EVC2: variants seen among roughly 807,000 people sequenced by gnomAD.
The protein encoded by EVC2 is EvC ciliary complex subunit 2, also known as limbin.
EVC2 carries 148 observed loss-of-function variants against 149.3 expected under a neutral mutation model. The ratio of observed to expected loss-of-function variants is 0.99; its 90% CI spans 0.87 to 1.14. The LOEUF (loss-of-function observed/expected upper bound fraction) is 1.14, where lower values mean the gene tolerates loss of function less well. Among genes scored for constraint, EVC2 ranks in the 50% most tolerant of loss-of-function variants. EVC2 has a pLI of 0.00. For synonymous variants in EVC2, 776 were observed against 649.9 expected (o/e 1.19, Z -2.95); for missense variants, 1,854 against 1,627.3 (o/e 1.14, Z -2.40).
intron 3 of EVC2, among the ~76,000 whole-genome samples, chr4:5,692,491 C>T (rs1000482188): frequency 2.0e-5 from 3 of 152,208 alleles, no homozygotes; most frequent in African/African-American, 7.2e-5. Flanking sequence ...GAGACTCTCC[C>T]CAGGCCTGTG....
At chr4:5,651,670 C>A (rs1401824914) in intron 9 of EVC2, among the ~76,000 whole-genome samples, 1 of 152,130 alleles carries the variant, frequency 6.6e-6, no homozygotes, top group Non-Finnish European at 1.5e-5. Flanking sequence ...ATGGAATAAA[C>A]CTTGGATGTC....
intron 7 of EVC2, among the ~76,000 whole-genome samples, chr4:5,669,637 C>T (rs1719501210): frequency 6.6e-6 from 1 of 152,206 alleles, no homozygotes. Flanking sequence ...TCCCTGCCTC[C>T]CTCCCTCCTG....
chr4:5,645,956 G>A lies in EVC2; in HGVS notation c.1146-5118C>T, dbSNP rs368261134. Among the ~76,000 whole-genome samples the A allele has an allele frequency of 3.9e-5, 6 of 152,084 alleles. No homozygotes were observed. In the East Asian group the frequency reaches 9.7e-4, roughly 25 times the overall value. ...TTTTTATTTTTTCAGACAGAATCTC[G>A]CTCTTGTTGCCCAGGCTGGATGGAG... On this transcript the variant is annotated intron_variant, in intron 9 of 21. Coordinates refer to ENST00000344408, the MANE Select transcript of EVC2 (RefSeq NM_147127.5).
At position 5,691,298 on chromosome 4, in the gene EVC2, A is replaced by G; in HGVS notation, c.486T>C (p.Ser162=). The stretch of plus-strand genomic sequence containing the variant: ...ATTTCTGAAAAATTACTCCATTTTC[A>G]GAAGTCCCTTGAACTTCTCTTGAAA... ...GDISREVQGT[S]ENGVIFQKCA... is the part of the protein sequence containing the mutation. Residue 162 remains serine (S), a synonymous_variant, in exon 4 of 22, where the codon TCT becomes TCC. Transcript: ENST00000344408. 1.2e-6 allele frequency: 2 copies of G among 1,613,710 alleles called. No individual in the cohort carries two copies. The highest frequency in any genetic ancestry group is 1.1e-5 in the South Asian group (1 of 91,062).
At chr4:5,606,933 T>C (rs904370250) in intron 16 of EVC2, among the ~76,000 whole-genome samples, 3 of 152,208 alleles carry the variant, frequency 2.0e-5, no homozygotes, top group Non-Finnish European at 2.9e-5. Flanking sequence ...AGCTAGAACA[T>C]GGCAGAGCTC....
At chr4:5,683,674 G>C (rs1720497979) in intron 6 of EVC2, among the ~76,000 whole-genome samples, 1 of 152,124 alleles carries the variant, frequency 6.6e-6, no homozygotes, top group African/African-American at 2.4e-5. Context: ...ACTATTTCAG[G>C]GTGGGGCAGG....
At chr4:5,655,164 C>T (rs1221411942) in intron 9 of EVC2, among the ~76,000 whole-genome samples, 2 of 152,150 alleles carry the variant, frequency 1.3e-5, no homozygotes, top group Admixed American at 6.5e-5. Flanking sequence ...TCCAGTGACC[C>T]CTTTACAAAC....
chr4:5,637,093 A>T lies in EVC2; in HGVS notation c.1470+3421T>A, dbSNP rs1716934284. Among the ~76,000 whole-genome samples, 1 of 152,136 alleles carries T rather than the reference A, an allele frequency of 6.6e-6. No individual in the cohort carries two copies. Among genetic ancestry groups the T allele is most frequent in the Admixed American group, 6.5e-5 (1 of 15,282 alleles). ...CAGGCTGCAGAAAAGCCCTGGAGAG[A>T]GCAGGGTCAGGAAGCCCTGAGGAGG... On this transcript the variant is annotated intron_variant, in intron 10 of 21. Transcript: ENST00000344408. This position sits in a 1 kb window ranked among gnomAD's most constrained non-coding sequence, Gnocchi z 4.4.
chr4:5,690,175 C>T (rs892875413), intron 4 of EVC2, among the ~76,000 whole-genome samples: 4 of 152,258 alleles, frequency 2.6e-5, no homozygotes, highest in East Asian at 3.9e-4. Context: ...CAGAAAAAGT[C>T]ACTAGAAGGA....
At chr4:5,654,511 A>G (rs1341942549) in intron 9 of EVC2, among the ~76,000 whole-genome samples, 1 of 152,146 alleles carries the variant, frequency 6.6e-6, no homozygotes, top group East Asian at 1.9e-4. Flanking sequence ...GACTCTGCTC[A>G]CCTGCCCTTT....
chr4:5,595,173 A>G (rs1229919824), intron 16 of EVC2, among the ~76,000 whole-genome samples: 1 of 152,204 alleles, frequency 6.6e-6, no homozygotes, highest in Admixed American at 6.5e-5. Context: ...AACTTCCCCA[A>G]TCTAGCAAGG....
At chr4:5,709,321 C>G (rs997195656), upstream of EVC2, 1 of 152,232 alleles carries the variant, frequency 6.6e-6, no homozygotes, top group African/African-American at 2.4e-5. Context: ...TGTGTGCTTC[C>G]TCATCCCTGC....
At chr4:5,673,068 G>T (rs76396701) in intron 7 of EVC2, among the ~76,000 whole-genome samples, 1,765 of 152,260 alleles carry the variant, frequency 0.012, 34 homozygotes, top group African/African-American at 0.041. Flanking sequence ...GCAGACAGTG[G>T]TGATGGCTGC....
intron 21 of EVC2, among the ~76,000 whole-genome samples, chr4:5,555,643 A>G (rs932364961): frequency 6.6e-5 from 10 of 152,178 alleles, no homozygotes; most frequent in Admixed American, 2.0e-4. Context: ...AATATACACA[A>G]TATTTTTTAC....
chr4:5,572,352 A>T (rs1230954363), intron 19 of EVC2, among the ~76,000 whole-genome samples: 1 of 152,150 alleles, frequency 6.6e-6, no homozygotes, highest in Non-Finnish European at 1.5e-5. Context: ...AAATGCCACT[A>T]TTAGGAAGGG....
intron 5 of EVC2, among the ~76,000 whole-genome samples, chr4:5,687,221 C>T (rs980120965): frequency 6.6e-6 from 1 of 152,034 alleles, no homozygotes; most frequent in East Asian, 1.9e-4. Flanking sequence ...TGTGCCACTG[C>T]ACTCTAGGCT....
chr4:5,540,677 A>C (rs186888278), downstream of EVC2, among the ~76,000 whole-genome samples: 16 of 152,174 alleles, frequency 1.1e-4, no homozygotes, highest in African/African-American at 3.9e-4. Flanking sequence ...TAGAGGGAGG[A>C]ATTTACCAAG....
intron 9 of EVC2, among the ~76,000 whole-genome samples, chr4:5,654,514 TG>T (rs1718371338): frequency 6.6e-6 from 1 of 152,250 alleles, no homozygotes; most frequent in East Asian, 1.9e-4. Flanking sequence ...TCTGCTCACC[TG>T]CCCTTTCTTT....
chr4:5,643,017 G>C (rs572244420), intron 9 of EVC2, among the ~76,000 whole-genome samples: 2 of 152,300 alleles, frequency 1.3e-5, no homozygotes, highest in Admixed American at 6.5e-5. Flanking sequence ...TCAACAGACA[G>C]ACAGATGTGT....
Sources: allele counts gnomAD v4.1 joint callset (sites outside exome capture counted in the v4.1 genomes callset), GRCh38; gene constraint gnomAD v4.1.1; non-coding constraint Gnocchi (gnomAD v3.1); transcripts MANE v1.5; gene names NCBI Gene and HGNC (gene_info 2026-07-23, HGNC 2026-07-21).